CNTN4: variants seen among roughly 807,000 people sequenced by gnomAD.
CNTN4 encodes the protein contactin-4.
Under a neutral mutation model 122.5 loss-of-function variants are expected in CNTN4, and 77 were observed. The ratio of observed to expected loss-of-function variants is 0.63; its 90% CI spans 0.52 to 0.76. The LOEUF is 0.76. CNTN4 is among the 30% of genes least tolerant of loss of function. The pLI is 0.00. For missense variants in CNTN4, 1,256 were observed against 1,259.1 expected (o/e 1.00, Z 0.04); for synonymous variants, 512 against 447.0 (o/e 1.15, Z -1.83).
At chr3:2,210,181 A>G (rs2038548133) in intron 2 of CNTN4, among the ~76,000 whole-genome samples, 1 of 152,180 alleles carries the variant, frequency 6.6e-6, no homozygotes, top group South Asian at 2.1e-4. Context: ...ATACAATGGA[A>G]TATGTGAAGC....
chr3:2,659,887 C>A (rs2150278115), intron 4 of CNTN4, among the ~76,000 whole-genome samples: 1 of 152,310 alleles, frequency 6.6e-6, no homozygotes, highest in South Asian at 2.1e-4. Flanking sequence ...TAAAACATTG[C>A]TCCTGTTCAG....
intron 2 of CNTN4, among the ~76,000 whole-genome samples, chr3:2,174,929 G>A (rs1385281944): frequency 6.6e-6 from 1 of 152,066 alleles, no homozygotes; most frequent in African/African-American, 2.4e-5. Flanking sequence ...ACAGCACGAA[G>A]CCATGAGGGA....
intron 7 of CNTN4, among the ~76,000 whole-genome samples, chr3:2,848,183 G>C (rs1305543002): frequency 6.6e-6 from 1 of 152,154 alleles, no homozygotes; most frequent in Non-Finnish European, 1.5e-5. Flanking sequence ...AGGTTTCAAT[G>C]AGCTATGATC....
At chr3:2,180,884 C>G (rs1406384902) in intron 2 of CNTN4, among the ~76,000 whole-genome samples, 2 of 152,052 alleles carry the variant, frequency 1.3e-5, no homozygotes, top group Admixed American at 6.6e-5. Context: ...CAATCAAGGT[C>G]AAACCCAGAG....
At chr3:2,748,306 C>A (rs1388516187) in intron 6 of CNTN4, among the ~76,000 whole-genome samples, 2 of 152,146 alleles carry the variant, frequency 1.3e-5, no homozygotes, top group African/African-American at 4.8e-5. Context: ...TCCAGTGCTA[C>A]CCAACCACGT....
chr3:2,099,698 C>G (rs1038150361), intron 1 of CNTN4: 1 of 152,260 alleles, frequency 6.6e-6, no homozygotes, highest in Admixed American at 6.5e-5. Flanking sequence ...GGGTGGCATT[C>G]GTTTCCAGCA....
chr3:2,135,830 T>C (rs909926534), intron 2 of CNTN4, among the ~76,000 whole-genome samples: 2 of 152,194 alleles, frequency 1.3e-5, no homozygotes, highest in Non-Finnish European at 2.9e-5. Context: ...TACAGCGAAT[T>C]GGAGAGACTA....
intron 13 of CNTN4, among the ~76,000 whole-genome samples, chr3:2,980,269 T>G (rs901848175): frequency 2.0e-5 from 3 of 152,176 alleles, no homozygotes; most frequent in African/African-American, 7.2e-5. Flanking sequence ...TAGGGAAAAT[T>G]AAGTCTTGTG....
At chr3:2,879,197 C>T (rs1319667608) in intron 8 of CNTN4, among the ~76,000 whole-genome samples, 1 of 152,100 alleles carries the variant, frequency 6.6e-6, no homozygotes, top group Non-Finnish European at 1.5e-5. Flanking sequence ...GGAAGACACA[C>T]ATACACAGAA....
At chr3:2,442,531 A>G (rs1211648203) in intron 3 of CNTN4, among the ~76,000 whole-genome samples, 1 of 152,050 alleles carries the variant, frequency 6.6e-6, no homozygotes, top group African/African-American at 2.4e-5. Context: ...ATTTTATCCT[A>G]TGTTCCTTAA....
At chr3:2,830,750 C>G (rs113645244) in intron 7 of CNTN4, among the ~76,000 whole-genome samples, 2 of 152,114 alleles carry the variant, frequency 1.3e-5, no homozygotes, top group South Asian at 4.1e-4. Context: ...TGGAAATATA[C>G]CCTGTGAATC....
At chr3:2,916,899 T>C (rs1482852783) in intron 12 of CNTN4, among the ~76,000 whole-genome samples, 3 of 149,316 alleles carry the variant, frequency 2.0e-5, no homozygotes, top group African/African-American at 7.5e-5. Context: ...CTAGACGGGG[T>C]GGCGGCCGGG....
intron 3 of CNTN4, among the ~76,000 whole-genome samples, chr3:2,507,289 A>C (rs965638870): frequency 6.6e-6 from 1 of 152,064 alleles, no homozygotes; most frequent in African/African-American, 2.4e-5. Context: ...TAGGATGATA[A>C]CAGCCAGTAG....
intron 14 of CNTN4, among the ~76,000 whole-genome samples, chr3:2,994,487 G>A (rs999170524): frequency 3.3e-5 from 5 of 151,672 alleles, no homozygotes; most frequent in Admixed American, 1.3e-4. Flanking sequence ...AGCCGAAAAG[G>A]TTCCTGTGGT....
At chr3:2,304,385 T>C (rs550904135) in intron 2 of CNTN4, among the ~76,000 whole-genome samples, 1 of 151,964 alleles carries the variant, frequency 6.6e-6, no homozygotes, top group African/African-American at 2.4e-5. Context: ...GTGGAAAATA[T>C]TAGTTGGATT....
At chr3:2,220,335 A>T (rs1171283081) in intron 2 of CNTN4, among the ~76,000 whole-genome samples, 1 of 152,166 alleles carries the variant, frequency 6.6e-6, no homozygotes, top group Non-Finnish European at 1.5e-5. Flanking sequence ...CTGTGGTAAC[A>T]ATTACTAATG....
intron 3 of CNTN4, among the ~76,000 whole-genome samples, chr3:2,453,765 G>A (rs565517798): frequency 6.6e-6 from 1 of 152,232 alleles, no homozygotes; most frequent in South Asian, 2.1e-4. Flanking sequence ...AAAAGCAATA[G>A]ATATGTATAA....
At chr3:2,141,280 C>T (rs1559281751) in intron 2 of CNTN4, among the ~76,000 whole-genome samples, 1 of 152,134 alleles carries the variant, frequency 6.6e-6, no homozygotes, top group African/African-American at 2.4e-5. Flanking sequence ...GGAAAAAATT[C>T]TGGATTATCC....
At chr3:2,919,865 A>T (rs774433278) in intron 12 of CNTN4, among the ~76,000 whole-genome samples, 2 of 152,150 alleles carry the variant, frequency 1.3e-5, no homozygotes, top group Non-Finnish European at 2.9e-5. Flanking sequence ...TTTAATCAAC[A>T]TGTTGATTAT....
Sources: gnomAD v4.1 joint callset for allele counts (sites outside exome capture counted in the v4.1 genomes callset) on GRCh38, gnomAD v4.1.1 for gene constraint, MANE v1.5 for transcripts, NCBI Gene and HGNC (gene_info 2026-07-23, HGNC 2026-07-21) for gene names.